The following LMAN1 variants were observed in gnomAD, a reference collection of about 807,000 sequenced individuals.
LMAN1 encodes the protein lectin, mannose binding 1.
In LMAN1, 32 loss-of-function variants were observed where a neutral mutation model predicts 67.8. The ratio of observed to expected loss-of-function variants is 0.47; its 90% CI spans 0.36 to 0.63. LMAN1 has a LOEUF of 0.63. Ranked by LOEUF, LMAN1 falls within the 30% of genes least tolerant of loss-of-function variation. The probability of loss-of-function intolerance (pLI) is 0.00; values close to 1 mark genes in which losing one functional copy is unlikely to be tolerated. For missense variants in LMAN1, 632 were observed against 628.2 expected, an observed-to-expected ratio of 1.01 and a Z score of -0.06; for synonymous variants, 235 against 219.3, an observed-to-expected ratio of 1.07 and a Z score of -0.63.
chr18:59,354,013 T>C (rs1286463854), intron 4 of LMAN1, among the ~76,000 whole-genome samples: 1 of 152,238 alleles, frequency 6.6e-6, no homozygotes, highest in Non-Finnish European at 1.5e-5. Context: ...TTATTTTTGA[T>C]CTGCAGTTGG....
At chr18:59,338,699 T>C (rs1320061630) in intron 9 of LMAN1, 61 bp downstream of exon 9, 3 of 1,607,124 alleles carry the variant, frequency 1.9e-6, no homozygotes, top group African/African-American at 2.7e-5. Context: ...GTTGCCCTTC[T>C]TCTTTACTTC....
Position 59,331,555 on chromosome 18 carries a change from C to T in LMAN1, c.1375-16G>A. The T allele has an allele frequency of 6.2e-7, 1 of 1,612,312 alleles. No individual in the cohort carries two copies. The highest frequency in any genetic ancestry group is 8.5e-7 in the Non-Finnish European group (1 of 1,178,588). On this transcript the variant is annotated splice_polypyrimidine_tract_variant and intron_variant, in intron 11 of 12. Transcript: ENST00000251047. ...CATTTGATGGCTGTAAGGCAAATGA[C>T]TTTCTATTACAGTTAGTCAAAATAG...
chr18:59,338,653 A>G (rs1416235976), intron 9 of LMAN1, 26 bp from the exon 10 acceptor site: 1 of 1,610,446 alleles, frequency 6.2e-7, no homozygotes, highest in Admixed American at 1.7e-5. Context: ...ATGACGAGCA[A>G]GCTGAATAAT....
chr18:59,356,780 C>G (rs1367834050), intron 1 of LMAN1, among the ~76,000 whole-genome samples: 1 of 152,188 alleles, frequency 6.6e-6, no homozygotes, highest in Admixed American at 6.5e-5. Flanking sequence ...AAACCTTAAC[C>G]TTTCTGAACA....
At chr18:59,358,694 G>C (rs1411058099) in intron 1 of LMAN1, among the ~76,000 whole-genome samples, 1 of 152,154 alleles carries the variant, frequency 6.6e-6, no homozygotes, top group Non-Finnish European at 1.5e-5. Flanking sequence ...TGTGAAACAT[G>C]ATACCTAGAA....
At position 59,347,580 on chromosome 18, in the gene LMAN1, TA is replaced by T. The variant is rs367567750; in HGVS notation, c.764-10del. ...AAGGACATCATGGTCATCTACAAAT[TA>T]AAAAAAAAAAAGTCTGAAAAAGTTC... On this transcript the variant is annotated splice_polypyrimidine_tract_variant and intron_variant, in intron 6 of 12. Transcript: ENST00000251047. 0.12 allele frequency: 136,304 copies of T among 1,091,880 alleles called. No homozygotes were observed. The highest frequency in any genetic ancestry group is 0.2 in the East Asian group (4,940 of 24,758). 67.6% of individuals were successfully genotyped at this position (1,091,880 alleles called of 1,614,324 possible).
At chr18:59,354,431 G>T in intron 4 of LMAN1, 88 bp downstream of exon 4, 2 of 767,396 alleles carry the variant, frequency 2.6e-6, no homozygotes, top group East Asian at 2.5e-5. Flanking sequence ...TTTTTCATTT[G>T]GAAGGTGTTC....
chr18:59,331,633 A>G, intron 11 of LMAN1, 94 bp from the exon 12 acceptor site: 1 of 1,394,280 alleles, frequency 7.2e-7, no homozygotes, highest in South Asian at 1.2e-5. Context: ...TTTGCTATAT[A>G]AACAAGTATT....
chr18:59,332,683 A>G (rs371194400), intron 11 of LMAN1, among the ~76,000 whole-genome samples: 7 of 152,284 alleles, frequency 4.6e-5, no homozygotes, highest in African/African-American at 1.7e-4. Context: ...TCAAAAACAT[A>G]TCTAATCCAA....
rs1603395477 is a variant in LMAN1 at position 59,347,691 on chromosome 18, A to G, written c.764-120T>C. 7.9e-6 allele frequency: 6 copies of G among 757,756 alleles called. No individual in the cohort carries two copies. The East Asian group carries it at 1.7e-4, about 21-fold the overall frequency. 46.9% of individuals were successfully genotyped at this position (757,756 alleles called of 1,614,324 possible). A position where few individuals can be genotyped will look rare whatever the true frequency, so the allele number is the denominator to read the frequency against. ...ACAATAACCAGTGAGGGAATTGACA[A>G]AAATTAGCACTAATTTGGTAAAGGC... is the stretch of plus-strand genomic sequence containing the variant. On this transcript the variant is annotated intron_variant, in intron 6 of 12. Transcript: ENST00000251047.
chr18:59,341,077 T>C (rs1369099616), intron 8 of LMAN1, among the ~76,000 whole-genome samples: 1 of 151,934 alleles, frequency 6.6e-6, no homozygotes, highest in African/African-American at 2.4e-5. Context: ...GCTGTACTTA[T>C]ATGAGATAAA....
chr18:59,354,426 C>T, intron 4 of LMAN1, 93 bp downstream of exon 4: 1 of 750,436 alleles, frequency 1.3e-6, no homozygotes, highest in Non-Finnish European at 2.4e-6. Flanking sequence ...GTATTTTTTT[C>T]ATTTGGAAGG....
chr18:59,357,948 C>T (rs1908697138), intron 1 of LMAN1, among the ~76,000 whole-genome samples: 1 of 143,166 alleles, frequency 7.0e-6, no homozygotes, highest in African/African-American at 2.6e-5. Flanking sequence ...TGCACATGTA[C>T]CCTAAACCTT....
chr18:59,351,001 G>A (rs1373525), intron 5 of LMAN1, among the ~76,000 whole-genome samples: 33,795 of 151,984 alleles, frequency 0.22, 3,965 homozygotes, highest in Non-Finnish European at 0.27. Context: ...TCTTGCTTTG[G>A]CTGTGTTTCC....
chr18:59,345,889 G>A (rs747084956), intron 8 of LMAN1, 30 bp downstream of exon 8: 10 of 1,613,110 alleles, frequency 6.2e-6, no homozygotes, highest in South Asian at 2.2e-5. Flanking sequence ...GCCCTGCTGC[G>A]GCACCCATGT....
chr18:59,345,859 T>G lies in LMAN1; in HGVS notation c.955+60A>C. On this transcript the variant is annotated intron_variant, in intron 8 of 12. Coordinates refer to ENST00000251047, the MANE Select transcript of LMAN1 (RefSeq NM_005570.4). Reference sequence around the variant, plus strand: ...GCTAGGCAACACAGAGACTCAAGCGTCCATGATCAACAGCCTCAAGCCCTG... The same window carrying G: ...GCTAGGCAACACAGAGACTCAAGCGGCCATGATCAACAGCCTCAAGCCCTG... The G allele has an allele frequency of 1.9e-6, 3 of 1,602,946 alleles. No individual in the cohort carries two copies. In the South Asian group the frequency reaches 3.3e-5, roughly 18 times the overall value.
At position 59,331,088 on chromosome 18, in the gene LMAN1, G is replaced by C. The variant is rs749945102; in HGVS notation, c.*5C>G. 1.2e-6 allele frequency: 2 copies of C among 1,603,864 alleles called. No individual in the cohort carries two copies. Among genetic ancestry groups the C allele is most frequent in the Non-Finnish European group, 1.7e-6 (2 of 1,171,338 alleles). On this transcript the variant is annotated 3_prime_UTR_variant, in exon 13 of 13. Transcript: ENST00000251047. ...AAATAGATGAAGTACACAGGAAAAT[G>C]GTAGTCAAAAGAATTTTTTGGCAGC... is the stretch of plus-strand genomic sequence containing the variant.
intron 10 of LMAN1, among the ~76,000 whole-genome samples, chr18:59,337,164 ATATATATAAT>A (rs1254173000): frequency 1.3e-4 from 19 of 148,340 alleles, no homozygotes; most frequent in African/African-American, 4.2e-4. Context: ...TTATATAATA[ATATATATAAT>A]TATATTATAT....
intron 8 of LMAN1, among the ~76,000 whole-genome samples, chr18:59,344,266 T>G (rs1908350987): frequency 6.6e-6 from 1 of 152,208 alleles, no homozygotes; most frequent in Non-Finnish European, 1.5e-5. Context: ...GAATTACCGT[T>G]TGATCCAGCA....
Sources: gnomAD v4.1 joint callset for allele counts (sites outside exome capture counted in the v4.1 genomes callset) on GRCh38, gnomAD v4.1.1 for gene constraint, MANE v1.5 for transcripts, NCBI Gene and HGNC (gene_info 2026-07-23, HGNC 2026-07-21) for gene names.